EIF2AK4: variants seen among roughly 807,000 people sequenced by gnomAD.
EIF2AK4 encodes eukaryotic translation initiation factor 2 alpha kinase 4, also known as eIF-2-alpha kinase GCN2.
In EIF2AK4, 139 loss-of-function variants were observed where a neutral mutation model predicts 211.1. The ratio of observed to expected loss-of-function variants is 0.66; its 90% CI spans 0.57 to 0.76. The LOEUF is 0.76. Ranked by LOEUF, EIF2AK4 falls within the 30% of genes least tolerant of loss-of-function variation. The pLI, the probability that EIF2AK4 is intolerant of heterozygous loss-of-function variation, is 0.00. For synonymous variants in EIF2AK4, 710 were observed against 751.3 expected (o/e 0.94, Z 0.90); for missense variants, 1,664 against 2,043.8 (o/e 0.81, Z 3.58).
intron 37 of EIF2AK4, 25 bp from the exon 38 acceptor site, chr15:40,034,301 T>G: frequency 6.3e-7 from 1 of 1,594,124 alleles, no homozygotes; most frequent in East Asian, 2.2e-5. Context: ...GACCTGTTGT[T>G]AAGTCTTATC....
chr15:40,006,150 C>G (rs1176195095), intron 23 of EIF2AK4, among the ~76,000 whole-genome samples: 1 of 151,886 alleles, frequency 6.6e-6, no homozygotes, highest in Non-Finnish European at 1.5e-5. Context: ...AAATGTATGT[C>G]ATATGGCTTA....
At chr15:39,980,727 C>T (rs1198294373) in intron 13 of EIF2AK4, among the ~76,000 whole-genome samples, 1 of 152,158 alleles carries the variant, frequency 6.6e-6, no homozygotes, top group Non-Finnish European at 1.5e-5. Flanking sequence ...CTCCATCTGT[C>T]ACCCATGCTG....
At chr15:39,937,015 T>C (rs2034074336) in intron 1 of EIF2AK4, among the ~76,000 whole-genome samples, 1 of 152,212 alleles carries the variant, frequency 6.6e-6, no homozygotes, top group Non-Finnish European at 1.5e-5. Flanking sequence ...ATGTATATCA[T>C]TTATAAATAA....
intron 11 of EIF2AK4, 60 bp downstream of exon 11, chr15:39,973,809 A>G: frequency 6.3e-7 from 1 of 1,588,188 alleles, no homozygotes; most frequent in South Asian, 1.1e-5. Flanking sequence ...CATTTCCACA[A>G]AGACTCATGG....
chr15:39,951,483 A>G (rs148471967), intron 4 of EIF2AK4: 95 of 412,164 alleles, frequency 2.3e-4, no homozygotes, highest in African/African-American at 1.9e-3. Context: ...GGCCAACCAG[A>G]TAGGCCTCAC....
At chr15:39,943,259 T>C in intron 2 of EIF2AK4, 124 bp from the exon 3 acceptor site, 1 of 672,620 alleles carries the variant, frequency 1.5e-6, no homozygotes, top group Non-Finnish European at 2.3e-6. Context: ...AGGGATATGG[T>C]TGAAGTCCCT....
At chr15:39,961,631 A>G (rs1316951632) in intron 6 of EIF2AK4, among the ~76,000 whole-genome samples, 153 bp from the exon 7 acceptor site, 2 of 152,226 alleles carry the variant, frequency 1.3e-5, no homozygotes, top group Non-Finnish European at 2.9e-5. Context: ...GTAGAAACAG[A>G]TGTTAGACTG....
At chr15:40,002,008 T>C (rs914336635) in intron 21 of EIF2AK4, among the ~76,000 whole-genome samples, 4 of 152,212 alleles carry the variant, frequency 2.6e-5, no homozygotes, top group African/African-American at 9.6e-5. Flanking sequence ...AGGTAACAGG[T>C]ATTTGTTATA....
Position 39,976,616 on chromosome 15 carries a change from C to T in EIF2AK4, c.2021C>T (p.Pro674Leu), listed in dbSNP as rs754820780. The T allele has an allele frequency of 6.2e-7, 1 of 1,607,762 alleles. No homozygotes were observed. Among genetic ancestry groups the T allele is most frequent in the East Asian group, 2.2e-5 (1 of 44,732 alleles). The change falls in exon 12 of 39, where the codon CCC becomes CTC. Residue 674 changes from proline (P) to leucine (L), a missense_variant. Physicochemically the swap from Pro to Leu is moderately conservative, Grantham distance 98. This residue lies in a region of EIF2AK4 where 206 missense variants were observed against 201.9 expected (regional missense o/e 1.02). Transcript: ENST00000263791. ...GPGTPPPDSG[P>L]LAKDDRAARG... Reference sequence around the variant, plus strand: ...GGGACGCCGCCCCCGGACTCCGGGCCCCTGGCCAAGGATGACCGAGCTGCA... The same window carrying T: ...GGGACGCCGCCCCCGGACTCCGGGCTCCTGGCCAAGGATGACCGAGCTGCA...
Position 40,009,749 on chromosome 15 carries a change from ATGATGTTGAAAGATAATACCT to A in EIF2AK4, c.3693+38_3693+58del, listed in dbSNP as rs1472064411. ...TGCTGTGGTAAGCATTTAATTACTT[ATGATGTTGAAAGATAATACCT>A]TGATGTTGAAAGATAATAATAATAG... On this transcript the variant is annotated intron_variant, in intron 26 of 38. Transcript: ENST00000263791. The A allele has an allele frequency of 9.7e-6, 14 of 1,443,588 alleles. No homozygotes were observed. Among genetic ancestry groups the A allele is most frequent in the African/African-American group, 1.4e-5 (1 of 70,474 alleles). 89.4% of individuals were successfully genotyped at this position (1,443,588 alleles called of 1,614,324 possible). A position where few individuals can be genotyped will look rare whatever the true frequency, so the allele number is the denominator to read the frequency against.
chr15:39,973,381 C>A (rs2034650660), intron 10 of EIF2AK4, among the ~76,000 whole-genome samples: 2 of 152,112 alleles, frequency 1.3e-5, no homozygotes, highest in Admixed American at 1.3e-4. Flanking sequence ...TCTATATAAT[C>A]CCCCACCTGT....
At chr15:40,035,006 A>G (rs764662390) in intron 38 of EIF2AK4, 21 bp from the exon 39 acceptor site, 7 of 1,569,272 alleles carry the variant, frequency 4.5e-6, no homozygotes, top group Non-Finnish European at 6.0e-6. Context: ...CTGTCCTTAT[A>G]TCTTTTCTTT....
chr15:39,973,521 C>T, intron 10 of EIF2AK4, 71 bp from the exon 11 acceptor site: 1 of 1,444,610 alleles, frequency 6.9e-7, no homozygotes, highest in South Asian at 1.4e-5. Context: ...GGGCTTCCAT[C>T]ATTGTTGGCT....
At chr15:39,952,109 AC>A (rs1566983504) in intron 4 of EIF2AK4, among the ~76,000 whole-genome samples, 1 of 152,166 alleles carries the variant, frequency 6.6e-6, no homozygotes, top group Non-Finnish European at 1.5e-5. Context: ...CAGAAGATGT[AC>A]AGAATTACTT....
At position 39,953,951 on chromosome 15, in the gene EIF2AK4, A is replaced by G. The variant is rs1566984127; in HGVS notation, c.561A>G (p.Lys187=). 2 of 1,607,972 alleles carry G rather than the reference A, an allele frequency of 1.2e-6. No individual in the cohort carries two copies. The highest frequency in any genetic ancestry group is 4.5e-5 in the East Asian group (2 of 44,830). The part of the protein sequence containing the change: ...HEIQRRKEEI[K]EEKKRKEMAK... ...TTCAGAGAAGGAAAGAAGAGATAAA[A>G]GAAGAGAAAAAAAGGAAAGAAATGG... Residue 187 remains lysine (K), a synonymous_variant, in exon 5 of 39, where the codon AAA becomes AAG. Transcript: ENST00000263791.
intron 27 of EIF2AK4, among the ~76,000 whole-genome samples, chr15:40,014,733 C>A (rs1567005624): frequency 6.6e-6 from 1 of 152,238 alleles, no homozygotes; most frequent in African/African-American, 2.4e-5. Context: ...ATGCAAATTT[C>A]TGCCGCTGGC....
intron 6 of EIF2AK4, among the ~76,000 whole-genome samples, chr15:39,958,526 G>T (rs2034423255): frequency 6.6e-6 from 1 of 152,220 alleles, no homozygotes; most frequent in African/African-American, 2.4e-5. Flanking sequence ...GTATAAAGGT[G>T]TAGGGGAGAG....
chr15:39,982,461 G>A (rs1008829094), intron 13 of EIF2AK4, among the ~76,000 whole-genome samples: 5 of 152,138 alleles, frequency 3.3e-5, no homozygotes, highest in South Asian at 2.1e-4. Context: ...GTTCTGTGTA[G>A]CAACAGACCT....
intron 4 of EIF2AK4, among the ~76,000 whole-genome samples, chr15:39,953,150 G>A (rs532097213): frequency 1.3e-5 from 2 of 152,168 alleles, no homozygotes; most frequent in Non-Finnish European, 2.9e-5. Context: ...CCTGCCGGGA[G>A]TCTGTAGTTT....
Sources: gnomAD v4.1 joint callset for allele counts (sites outside exome capture counted in the v4.1 genomes callset) on GRCh38, gnomAD v4.1.1 for gene constraint, gnomAD v4.1.1 regional missense constraint, MANE v1.5 for transcripts, NCBI Gene and HGNC (gene_info 2026-07-23, HGNC 2026-07-21) for gene names.